AGPAT4: variants seen among roughly 807,000 people sequenced by gnomAD.
AGPAT4 encodes 1-acyl-sn-glycerol-3-phosphate acyltransferase delta.
A neutral mutation model predicts 48.0 loss-of-function variants in AGPAT4; 15 were observed. That is an observed-to-expected ratio of 0.31 (90% confidence interval 0.21 to 0.48). The LOEUF (loss-of-function observed/expected upper bound fraction) is 0.48. Ranked by LOEUF, AGPAT4 falls within the 20% of genes least tolerant of loss-of-function variation. AGPAT4 has a pLI of 0.99. For synonymous variants in AGPAT4, 178 were observed against 198.7 expected (o/e 0.90, Z 0.88); for missense variants, 314 against 482.5 (o/e 0.65, Z 3.27).
At position 161,158,242 on chromosome 6, in the gene AGPAT4, G is replaced by A. The variant is rs1271942021; in HGVS notation, c.349-3932C>T. On this transcript the variant is annotated intron_variant, in intron 3 of 8. Coordinates refer to ENST00000320285, the MANE Select transcript of AGPAT4 (RefSeq NM_020133.3). The surrounding 1 kb of genome is among the most constrained non-coding windows in gnomAD (Gnocchi z 5.3). ...ATTAAGACATACTGACAGTTCCCCC[G>A]GCAAAAGGTTCAATAGGCTATAACT... 3.3e-5 allele frequency among the ~76,000 whole-genome samples: 5 copies of A among 152,134 alleles called. No individual in the cohort carries two copies. The highest frequency in any genetic ancestry group is 3.9e-4 in the East Asian group (2 of 5,192).
rs1288821140 is a variant in AGPAT4 at position 161,245,737 on chromosome 6, G to A, written c.-89-13435C>T. 6.6e-6 allele frequency among the ~76,000 whole-genome samples: 1 copy of A among 152,112 alleles called. No individual in the cohort carries two copies. Among genetic ancestry groups the A allele is most frequent in the East Asian group, 1.9e-4 (1 of 5,186 alleles). On this transcript the variant is annotated intron_variant, in intron 1 of 8. Transcript: ENST00000320285. This position sits in a 1 kb window ranked among gnomAD's most constrained non-coding sequence, Gnocchi z 5.2. ...CAATCCTTGAGTTCTTGGAGATCCT[G>A]TCATTGCCAATCCTAGTTTCTGGTA... is the stretch of plus-strand genomic sequence containing the variant.
chr6:161,233,935 G>A lies in AGPAT4; in HGVS notation c.-89-1633C>T, dbSNP rs976017910. The stretch of plus-strand genomic sequence containing the variant: ...ATCCCACTTTTCAGAATAAGAAACT[G>A]AGGCAATGGTGAGGTTGGGCAACTT... On this transcript the variant is annotated intron_variant, in intron 1 of 8. Transcript: ENST00000320285. The surrounding 1 kb of genome is among the most constrained non-coding windows in gnomAD (Gnocchi z 5.4). 1.3e-5 allele frequency among the ~76,000 whole-genome samples: 2 copies of A among 152,196 alleles called. No individual in the cohort carries two copies. Among genetic ancestry groups the A allele is most frequent in the African/African-American group, 2.4e-5 (1 of 41,448 alleles).
chr6:161,185,043 C>CG (rs752492664), intron 2 of AGPAT4, among the ~76,000 whole-genome samples: 3 of 150,318 alleles, frequency 2.0e-5, no homozygotes, highest in Admixed American at 6.6e-5. Flanking sequence ...TTGGGTGGAG[C>CG]GGGGGGTCTG....
intron 2 of AGPAT4, among the ~76,000 whole-genome samples, chr6:161,192,043 T>C (rs908081927): frequency 6.6e-6 from 1 of 151,838 alleles, no homozygotes; most frequent in Non-Finnish European, 1.5e-5. Flanking sequence ...TCCTTTTTTT[T>C]TTTTTTTGTC....
In AGPAT4 at chr6:161,261,637, A is replaced by G. The variant is rs1783103357; in HGVS notation, c.-90+12301T>C. On this transcript the variant is annotated intron_variant, in intron 1 of 8. Coordinates refer to ENST00000320285, the MANE Select transcript of AGPAT4 (RefSeq NM_020133.3). The surrounding 1 kb of genome is among the most constrained non-coding windows in gnomAD (Gnocchi z 5.3). ...GGGATATTTTACCTTCCACAAATCC[A>G]GCTAATCATGTAGTGTTTGTAAGCT... Among the ~76,000 whole-genome samples, 1 of 152,224 alleles carries G rather than the reference A, an allele frequency of 6.6e-6. No homozygotes were observed. The highest frequency in any genetic ancestry group is 2.4e-5 in the African/African-American group (1 of 41,456).
rs747871119 is a variant in AGPAT4, at chr6:161,144,085, C to T, written c.843+2439G>A. On this transcript the variant is annotated intron_variant, in intron 7 of 8. Coordinates refer to ENST00000320285, the MANE Select transcript of AGPAT4 (RefSeq NM_020133.3). This position sits in a 1 kb window ranked among gnomAD's most constrained non-coding sequence, Gnocchi z 6.6. ...GCACGTAAAGCTTTAGATCTAGGCT[C>T]CTAGCAAAATAGGCTGATACAGAAA... is the stretch of plus-strand genomic sequence containing the variant. The T allele has an allele frequency of 3.8e-6, 2 of 527,370 alleles. No homozygotes were observed. The highest frequency in any genetic ancestry group is 3.9e-5 in the African/African-American group (2 of 51,868). 32.7% of individuals were successfully genotyped at this position (527,370 alleles called of 1,614,324 possible).
Position 161,136,461 on chromosome 6 carries a change from T to A in AGPAT4, c.*79A>T. 7.4e-7 allele frequency: 1 copy of A among 1,350,260 alleles called. No individual in the cohort carries two copies. 83.6% of individuals were successfully genotyped at this position (1,350,260 alleles called of 1,614,324 possible). On this transcript the variant is annotated 3_prime_UTR_variant, in exon 9 of 9. Coordinates refer to ENST00000320285, the MANE Select transcript of AGPAT4 (RefSeq NM_020133.3). ...CCAGCAGGGGCTCACCCAGCCTTTG[T>A]CACCGTGTCCCACTAAGGAGGATAT... is the stretch of plus-strand genomic sequence containing the variant.
rs1783394504 is a variant in AGPAT4 at position 161,270,633 on chromosome 6, T to C, written c.-90+3305A>G. Among the ~76,000 whole-genome samples the C allele has an allele frequency of 6.6e-6, 1 of 151,980 alleles. No individual in the cohort carries two copies. Among genetic ancestry groups the C allele is most frequent in the South Asian group, 2.1e-4 (1 of 4,818 alleles). ...AAAATACAAAAAAATAAAAAATAAA[T>C]TAGCTGGGCGTGGTGCCACATGCTT... On this transcript the variant is annotated intron_variant, in intron 1 of 8. Transcript: ENST00000320285. This position sits in a 1 kb window ranked among gnomAD's most constrained non-coding sequence, Gnocchi z 5.3.
In AGPAT4 at chr6:161,177,793, T is replaced by C. The variant is rs559582107; in HGVS notation, c.179-11376A>G. On this transcript the variant is annotated intron_variant, in intron 2 of 8. Transcript: ENST00000320285. The surrounding 1 kb of genome is among the most constrained non-coding windows in gnomAD (Gnocchi z 5.0). ...CCCATCTTTGTGGTTTTATCTACCT[T>C]TGGTCTTTGATGATGGTGACGTACA... 6.6e-6 allele frequency among the ~76,000 whole-genome samples: 1 copy of C among 152,298 alleles called. No homozygotes were observed. The highest frequency in any genetic ancestry group is 2.1e-4 in the South Asian group (1 of 4,826).
At chr6:161,174,124 T>C (rs975647036) in intron 2 of AGPAT4, among the ~76,000 whole-genome samples, 4 of 152,258 alleles carry the variant, frequency 2.6e-5, no homozygotes, top group Non-Finnish European at 4.4e-5. Flanking sequence ...GTCTTGACTA[T>C]GCGGGCTCTT....
Position 161,234,776 on chromosome 6 carries a change from A to G in AGPAT4, c.-89-2474T>C, listed in dbSNP as rs1270378937. ...CCTTTGCTTTGCCAATTCTACACTA[A>G]GAAAAGGAAGCCAGCTGACATCGGA... On this transcript the variant is annotated intron_variant, in intron 1 of 8. Transcript: ENST00000320285. This position sits in a 1 kb window ranked among gnomAD's most constrained non-coding sequence, Gnocchi z 4.4. 6.6e-6 allele frequency among the ~76,000 whole-genome samples: 1 copy of G among 152,116 alleles called. No individual in the cohort carries two copies. Among genetic ancestry groups the G allele is most frequent in the African/African-American group, 2.4e-5 (1 of 41,426 alleles).
rs1320524709 is a variant in AGPAT4 at position 161,178,987 on chromosome 6, T to C, written c.179-12570A>G. ...GCTGGTGCCCAGTTCCTCAGGGTGA[T>C]GACCGGAGAGGGTGCAGAACGCAGT... On this transcript the variant is annotated intron_variant, in intron 2 of 8. Transcript: ENST00000320285. This position sits in a 1 kb window ranked among gnomAD's most constrained non-coding sequence, Gnocchi z 5.1. Among the ~76,000 whole-genome samples the C allele has an allele frequency of 6.6e-6, 1 of 152,192 alleles. No homozygotes were observed. The highest frequency in any genetic ancestry group is 1.5e-5 in the Non-Finnish European group (1 of 68,024).
chr6:161,237,379 T>C (rs1782315856), intron 1 of AGPAT4, among the ~76,000 whole-genome samples: 1 of 152,224 alleles, frequency 6.6e-6, no homozygotes, highest in Non-Finnish European at 1.5e-5. Context: ...TAGGTAACCA[T>C]CATTAACATT....
rs1782163231 is a variant in AGPAT4, at chr6:161,232,944, G to C, written c.-89-642C>G. ...CACATGAGAGCCATCACTGGCACAG[G>C]GTGGGAACTTAATTTTAAAAAATAT... On this transcript the variant is annotated intron_variant, in intron 1 of 8. Coordinates refer to ENST00000320285, the MANE Select transcript of AGPAT4 (RefSeq NM_020133.3). This position sits in a 1 kb window ranked among gnomAD's most constrained non-coding sequence, Gnocchi z 6.8. 6.6e-6 allele frequency among the ~76,000 whole-genome samples: 1 copy of C among 152,134 alleles called. No individual in the cohort carries two copies. The highest frequency in any genetic ancestry group is 1.5e-5 in the Non-Finnish European group (1 of 68,034).
At chr6:161,253,642 T>G (rs903206750) in intron 1 of AGPAT4, among the ~76,000 whole-genome samples, 1 of 145,164 alleles carries the variant, frequency 6.9e-6, no homozygotes, top group Admixed American at 6.7e-5. Context: ...GTAATATAAA[T>G]AAATATATTG....
At position 161,137,960 on chromosome 6, in the gene AGPAT4, C is replaced by T. The variant is rs913202994; in HGVS notation, c.1043-1326G>A. ...CTCAGGCTTCTTTTTTTGGTACTCG[C>T]TACACAGCTGGGTGGCCCTGTCTGC... On this transcript the variant is annotated intron_variant, in intron 8 of 8. Transcript: ENST00000320285. This position sits in a 1 kb window ranked among gnomAD's most constrained non-coding sequence, Gnocchi z 6.1. Among the ~76,000 whole-genome samples the T allele has an allele frequency of 2.0e-5, 3 of 152,190 alleles. No homozygotes were observed. The highest frequency in any genetic ancestry group is 7.2e-5 in the African/African-American group (3 of 41,462).
In AGPAT4 at chr6:161,201,907, C is replaced by G. The variant is rs1781249639; in HGVS notation, c.178+30129G>C. Among the ~76,000 whole-genome samples, 1 of 152,164 alleles carries G rather than the reference C, an allele frequency of 6.6e-6. No individual in the cohort carries two copies. Reference sequence around the variant, plus strand: ...CAGTGTTCTTGGATATGCCAATGTTCACATTAGATGTGTGAACTTTGATAT... The same window carrying G: ...CAGTGTTCTTGGATATGCCAATGTTGACATTAGATGTGTGAACTTTGATAT... On this transcript the variant is annotated intron_variant, in intron 2 of 8. Coordinates refer to ENST00000320285, the MANE Select transcript of AGPAT4 (RefSeq NM_020133.3). The surrounding 1 kb of genome is among the most constrained non-coding windows in gnomAD (Gnocchi z 6.0).
In AGPAT4 at chr6:161,201,219, T is replaced by C. The variant is rs1781229231; in HGVS notation, c.178+30817A>G. On this transcript the variant is annotated intron_variant, in intron 2 of 8. Transcript: ENST00000320285. This position sits in a 1 kb window ranked among gnomAD's most constrained non-coding sequence, Gnocchi z 6.0. ...TGGAGGCTGTTCAAGAGAGACTTAA[T>C]TCTGTACCTAATCAGATAAGGTGAA... Among the ~76,000 whole-genome samples, 1 of 152,200 alleles carries C rather than the reference T, an allele frequency of 6.6e-6. No homozygotes were observed. The highest frequency in any genetic ancestry group is 2.1e-4 in the South Asian group (1 of 4,830).
rs570780002 is a variant in AGPAT4, at chr6:161,164,397, C to T, written c.348+1851G>A. Among the ~76,000 whole-genome samples the T allele has an allele frequency of 5.3e-5, 8 of 152,220 alleles. No homozygotes were observed. The highest frequency in any genetic ancestry group is 4.1e-4 in the South Asian group (2 of 4,828). On this transcript the variant is annotated intron_variant, in intron 3 of 8. Transcript: ENST00000320285. The surrounding 1 kb of genome is among the most constrained non-coding windows in gnomAD (Gnocchi z 7.4). ...CTCCATCCCCAACCCCATGAAGGTG[C>T]GGGTGACTTGCACCCCTCGAATGAG...
Sources: allele counts gnomAD v4.1 joint callset (sites outside exome capture counted in the v4.1 genomes callset), GRCh38; gene constraint gnomAD v4.1.1; non-coding constraint Gnocchi (gnomAD v3.1); transcripts MANE v1.5; gene names NCBI Gene and HGNC (gene_info 2026-07-23, HGNC 2026-07-21).